FSTL4: variants seen among roughly 807,000 people sequenced by gnomAD.
FSTL4 encodes the protein follistatin like 4, also known as follistatin-related protein 4.
Under a neutral mutation model 78.2 loss-of-function variants are expected in FSTL4, and 28 were observed. The ratio of observed to expected loss-of-function variants is 0.36; its 90% CI spans 0.27 to 0.49. The LOEUF (loss-of-function observed/expected upper bound fraction) is 0.49, where lower values mean the gene tolerates loss of function less well. FSTL4 is among the 20% of genes least tolerant of loss of function. FSTL4 has a pLI of 0.98. For synonymous variants in FSTL4, 422 were observed against 440.5 expected (o/e 0.96, Z 0.53); for missense variants, 922 against 1,084.9 (o/e 0.85, Z 2.11).
the FSTL4 span, among the ~76,000 whole-genome samples, chr5:133,804,173 G>C: frequency 6.6e-6 from 1 of 152,290 alleles, no homozygotes; most frequent in East Asian, 1.9e-4. Context: ...AAAGGTTCCT[G>C]TTCTCCATGC....
chr5:133,482,416 G>A (rs987766994), intron 3 of FSTL4, among the ~76,000 whole-genome samples: 2 of 152,214 alleles, frequency 1.3e-5, no homozygotes, highest in African/African-American at 4.8e-5. Context: ...AACTGGCAAG[G>A]GTAGGGGCTG....
chr5:133,578,048 T>C (rs1561475680), intron 2 of FSTL4, among the ~76,000 whole-genome samples: 1 of 152,166 alleles, frequency 6.6e-6, no homozygotes, highest in Non-Finnish European at 1.5e-5. Context: ...AAACCAGTAT[T>C]ACATGAGGCT....
chr5:133,762,846 T>G, the FSTL4 span, among the ~76,000 whole-genome samples: 1 of 152,150 alleles, frequency 6.6e-6, no homozygotes, highest in Non-Finnish European at 1.5e-5. Flanking sequence ...AAGTGGGAAG[T>G]GGGATTTCCC....
chr5:133,481,201 T>A (rs17630031), intron 3 of FSTL4, among the ~76,000 whole-genome samples: 20,726 of 152,190 alleles, frequency 0.14, 1,806 homozygotes, highest in South Asian at 0.27. Context: ...TTGGTTGGCG[T>A]TAATCTGGAT....
At chr5:133,839,151 C>G in the FSTL4 span, among the ~76,000 whole-genome samples, 2 of 152,198 alleles carry the variant, frequency 1.3e-5, no homozygotes, top group Non-Finnish European at 2.9e-5. Flanking sequence ...CCCATCTTCT[C>G]AGAGACCCAG....
At chr5:133,501,886 C>T (rs999758415) in intron 3 of FSTL4, among the ~76,000 whole-genome samples, 5 of 152,112 alleles carry the variant, frequency 3.3e-5, no homozygotes, top group Admixed American at 6.5e-5. Flanking sequence ...AACATGATTA[C>T]TGTCCTTATA....
intron 6 of FSTL4, among the ~76,000 whole-genome samples, chr5:133,303,018 G>A (rs1328122720): frequency 6.6e-6 from 1 of 152,214 alleles, no homozygotes; most frequent in Admixed American, 6.5e-5. Context: ...CAAGAGCCTT[G>A]GGCCATAACC....
chr5:133,505,859 C>G (rs544854078), intron 3 of FSTL4, among the ~76,000 whole-genome samples: 26 of 152,354 alleles, frequency 1.7e-4, no homozygotes, highest in Non-Finnish European at 3.4e-4. Flanking sequence ...CTGGCAGAAA[C>G]AAATCAGTTG....
chr5:133,594,443 T>C (rs1317333240), intron 2 of FSTL4, among the ~76,000 whole-genome samples: 1 of 152,244 alleles, frequency 6.6e-6, no homozygotes, highest in African/African-American at 2.4e-5. Flanking sequence ...TCTGACCGCC[T>C]TGGCCTCCCA....
chr5:133,508,011 C>T (rs931452880), intron 3 of FSTL4, among the ~76,000 whole-genome samples: 1 of 152,080 alleles, frequency 6.6e-6, no homozygotes, highest in Non-Finnish European at 1.5e-5. Context: ...CGGATGTCAT[C>T]ATTGTGCAAA....
At chr5:133,507,834 A>AAAT (rs1190929254) in intron 3 of FSTL4, among the ~76,000 whole-genome samples, 1 of 151,510 alleles carries the variant, frequency 6.6e-6, no homozygotes, top group Non-Finnish European at 1.5e-5. Flanking sequence ...AGCATTAAAA[A>AAAT]AATAATAATA....
chr5:133,590,259 C>T (rs932186437), intron 2 of FSTL4, among the ~76,000 whole-genome samples: 2 of 152,264 alleles, frequency 1.3e-5, no homozygotes, highest in Non-Finnish European at 2.9e-5. Flanking sequence ...ACACTGCCCC[C>T]TTTCATCCTC....
chr5:133,437,006 A>G (rs1757046270), intron 3 of FSTL4, among the ~76,000 whole-genome samples: 1 of 152,240 alleles, frequency 6.6e-6, no homozygotes, highest in African/African-American at 2.4e-5. Flanking sequence ...GATGGATTGG[A>G]TTGAGTTGCT....
intron 4 of FSTL4, among the ~76,000 whole-genome samples, chr5:133,330,855 T>C (rs148114302): frequency 2.8e-4 from 43 of 152,282 alleles, no homozygotes; most frequent in African/African-American, 1.0e-3. Context: ...CCAGGTACTG[T>C]GATTTTTAAA....
chr5:133,569,929 C>T (rs1366272175), intron 2 of FSTL4, among the ~76,000 whole-genome samples: 1 of 151,976 alleles, frequency 6.6e-6, no homozygotes, highest in African/African-American at 2.4e-5. Context: ...TTAGAAATTG[C>T]CCGGGCGCGG....
intron 7 of FSTL4, 56 bp downstream of exon 7, chr5:133,249,354 A>T: frequency 7.3e-7 from 1 of 1,373,734 alleles, no homozygotes; most frequent in African/African-American, 1.4e-5. Flanking sequence ...CATCTTACCC[A>T]GTGTACTCTC....
chr5:133,572,560 C>T lies in FSTL4; in HGVS notation c.127-5341G>A, dbSNP rs144227259. On this transcript the variant is annotated intron_variant, in intron 2 of 15. Coordinates refer to ENST00000265342, the MANE Select transcript of FSTL4 (RefSeq NM_015082.2). ...TTATAGCGAACTTTTAAGGCAAAAA[C>T]GCAGAAAATTATTCAGATGAATGTA... Among the ~76,000 whole-genome samples, 424 of 151,662 alleles carry T rather than the reference C, an allele frequency of 2.8e-3. 4 individuals are homozygous for T. The highest frequency in any genetic ancestry group is 0.014 in the Middle Eastern group (4 of 294).
At chr5:133,380,016 A>T (rs1755527957) in intron 4 of FSTL4, among the ~76,000 whole-genome samples, 1 of 152,136 alleles carries the variant, frequency 6.6e-6, no homozygotes, top group South Asian at 2.1e-4. Flanking sequence ...CAGAGGTTGC[A>T]GTGAGCCACT....
intron 4 of FSTL4, among the ~76,000 whole-genome samples, chr5:133,377,658 T>A (rs1755469116): frequency 6.6e-6 from 1 of 151,298 alleles, no homozygotes. Context: ...GAGAAATGTG[T>A]GACACCATTA....
Sources: allele counts gnomAD v4.1 joint callset (sites outside exome capture counted in the v4.1 genomes callset), GRCh38; gene constraint gnomAD v4.1.1; transcripts MANE v1.5; gene names NCBI Gene and HGNC (gene_info 2026-07-23, HGNC 2026-07-21).